RBFOX1: variants seen among roughly 807,000 people sequenced by gnomAD.
RBFOX1 encodes the protein RNA binding fox-1 homolog 1.
In RBFOX1, 8 loss-of-function variants were observed where a neutral mutation model predicts 57.7. The observed-to-expected ratio is 0.14, with a 90% CI of 0.08 to 0.25. RBFOX1 has a LOEUF of 0.25. Ranked by LOEUF, RBFOX1 falls within the 10% of genes least tolerant of loss-of-function variation. The pLI, the probability that RBFOX1 is intolerant of heterozygous loss-of-function variation, is 1.00. For missense variants in RBFOX1, 611 were observed against 548.5 expected (o/e 1.11, Z -1.14); for synonymous variants, 326 against 222.4 (o/e 1.47, Z -4.15).
chr16:6,957,893 C>T (rs2082200005), intron 3 of RBFOX1, among the ~76,000 whole-genome samples: 3 of 152,120 alleles, frequency 2.0e-5, no homozygotes, highest in Admixed American at 2.0e-4. Flanking sequence ...CCTTAAATGG[C>T]CCCTCCCTTT....
intron 1 of RBFOX1, among the ~76,000 whole-genome samples, chr16:5,367,664 G>A (rs1257584326): frequency 1.3e-5 from 2 of 152,148 alleles, no homozygotes; most frequent in Non-Finnish European, 2.9e-5. Context: ...CAAGAATTGT[G>A]CTCAATACTT....
chr16:7,701,567 C>G (rs768504277), intron 14 of RBFOX1, among the ~76,000 whole-genome samples: 4 of 152,152 alleles, frequency 2.6e-5, no homozygotes, highest in Non-Finnish European at 4.4e-5. Context: ...TTCTACAAAA[C>G]TGGTCCCTGG....
intron 1 of RBFOX1, among the ~76,000 whole-genome samples, chr16:6,082,354 T>TTTTTC (rs1292854527): frequency 7.7e-6 from 1 of 129,978 alleles, no homozygotes; most frequent in Non-Finnish European, 1.6e-5. Context: ...CTAATTTTTT[T>TTTTTC]TTTTTTTTTT....
At chr16:5,307,848 A>C (rs1308950205) in intron 1 of RBFOX1, among the ~76,000 whole-genome samples, 9 of 151,980 alleles carry the variant, frequency 5.9e-5, no homozygotes, top group Admixed American at 5.9e-4. Flanking sequence ...TAATTTTGTA[A>C]TTTTTTATTT....
chr16:5,917,330 C>G (rs1015998370), intron 4 of RBFOX1, among the ~76,000 whole-genome samples: 1 of 152,170 alleles, frequency 6.6e-6, no homozygotes, highest in Non-Finnish European at 1.5e-5. Flanking sequence ...AAGCGCCCAC[C>G]ACCGGACATG....
intron 3 of RBFOX1, among the ~76,000 whole-genome samples, chr16:6,872,511 T>G (rs12149100): frequency 0.78 from 118,944 of 152,130 alleles, 47,543 homozygotes; most frequent in African/African-American, 0.94. Context: ...GAATTCCCTA[T>G]GATTTTCTTA....
In RBFOX1 at chr16:7,434,953, C is replaced by T. The variant is rs139570404; in HGVS notation, c.28-83194C>T. 2.1e-3 allele frequency among the ~76,000 whole-genome samples: 323 copies of T among 152,120 alleles called. 2 individuals are homozygous for T. Among genetic ancestry groups the T allele is most frequent in the Non-Finnish European group, 3.3e-3 (226 of 67,996 alleles). On this transcript the variant is annotated intron_variant, in intron 4 of 15. Coordinates refer to ENST00000550418, the MANE Select transcript of RBFOX1 (RefSeq NM_018723.4). ...TGGGGTTTCACCGTGTTGGTGAGGC[C>T]GGTCTTGAACTGTTGACCTTCAGTG...
chr16:6,577,953 A>G (rs2097467265), intron 2 of RBFOX1, among the ~76,000 whole-genome samples: 1 of 152,246 alleles, frequency 6.6e-6, no homozygotes. Flanking sequence ...AGCTTCAGTC[A>G]CTAGGACAAG....
At chr16:5,323,633 G>A (rs2064476507) in intron 1 of RBFOX1, among the ~76,000 whole-genome samples, 1 of 152,228 alleles carries the variant, frequency 6.6e-6, no homozygotes. Flanking sequence ...GCATGGATGT[G>A]CTGGAAGCTC....
chr16:5,266,548 G>GTTTTTTT (rs3035524), intron 1 of RBFOX1, among the ~76,000 whole-genome samples: 1 of 128,034 alleles, frequency 7.8e-6, no homozygotes, highest in South Asian at 2.4e-4. Flanking sequence ...GAAATGTTCA[G>GTTTTTTT]TTTTTTTTTT....
At chr16:5,757,926 G>T (rs903741309) in intron 3 of RBFOX1, among the ~76,000 whole-genome samples, 9 of 152,112 alleles carry the variant, frequency 5.9e-5, no homozygotes, top group Admixed American at 3.3e-4. Context: ...ACTCTCGCTG[G>T]TCATCACCAC....
intron 4 of RBFOX1, among the ~76,000 whole-genome samples, chr16:7,411,426 G>A (rs796705559): frequency 5.3e-5 from 8 of 152,306 alleles, no homozygotes; most frequent in African/African-American, 1.9e-4. Context: ...TCAGAGAGGA[G>A]ACAGGGCCCT....
rs1229831669 is a variant in RBFOX1, at chr16:5,249,175, C to T, written c.219+9070C>T. ...GGTGAGGCTGCGCTTTGTGTGTTTT[C>T]CTTTTCCTTGTGTTCAGGCTGTTGT... On this transcript the variant is annotated intron_variant, in intron 1 of 2. Coordinates refer to the RBFOX1 transcript ENST00000585867. 3.3e-5 allele frequency among the ~76,000 whole-genome samples: 5 copies of T among 152,082 alleles called. 1 individual carries two copies. Among genetic ancestry groups the T allele is most frequent in the Non-Finnish European group, 7.4e-5 (5 of 68,020 alleles).
rs2095023033 is a variant in RBFOX1, at chr16:6,019,237, A to T, written c.-882A>T. 8.1e-6 allele frequency: 8 copies of T among 984,378 alleles called. No individual in the cohort carries two copies. The highest frequency in any genetic ancestry group is 9.6e-6 in the Non-Finnish European group (8 of 829,766). 61.0% of individuals were successfully genotyped at this position (984,378 alleles called of 1,614,324 possible). A position where few individuals can be genotyped will look rare whatever the true frequency, so the allele number is the denominator to read the frequency against. On this transcript the variant is annotated 5_prime_UTR_variant, in exon 1 of 16. Transcript: ENST00000550418. The surrounding 1 kb of genome is among the most constrained non-coding windows in gnomAD (Gnocchi z 4.2). ...GCTCTTGCTGGCCGTCTGGGTGCACACACCGCTCCCTCGATCACCCCAGCC... is the reference window on the plus strand; with the variant it reads ...GCTCTTGCTGGCCGTCTGGGTGCACTCACCGCTCCCTCGATCACCCCAGCC...
chr16:7,039,564 G>C (rs2045538570), intron 3 of RBFOX1, among the ~76,000 whole-genome samples: 1 of 151,956 alleles, frequency 6.6e-6, no homozygotes, highest in Non-Finnish European at 1.5e-5. Context: ...TGAAACCTAA[G>C]CATTTACTAG....
chr16:6,783,712 T>C (rs1458817266), intron 3 of RBFOX1, among the ~76,000 whole-genome samples: 1 of 152,098 alleles, frequency 6.6e-6, no homozygotes, highest in Non-Finnish European at 1.5e-5. Context: ...TCTGTATTTA[T>C]TTGTGTGCTT....
At chr16:5,943,040 C>A (rs566617912) in intron 4 of RBFOX1, among the ~76,000 whole-genome samples, 1 of 152,272 alleles carries the variant, frequency 6.6e-6, no homozygotes, top group African/African-American at 2.4e-5. Flanking sequence ...GGGGCCATGA[C>A]CCCACTGTTC....
chr16:7,181,528 C>G (rs2082700238), intron 4 of RBFOX1, among the ~76,000 whole-genome samples: 1 of 151,074 alleles, frequency 6.6e-6, no homozygotes, highest in Non-Finnish European at 1.5e-5. Flanking sequence ...CCTCTTCCCT[C>G]CCTTGCTCTC....
At chr16:6,957,557 T>C (rs549335741) in intron 3 of RBFOX1, among the ~76,000 whole-genome samples, 2 of 152,220 alleles carry the variant, frequency 1.3e-5, no homozygotes, top group African/African-American at 4.8e-5. Flanking sequence ...CAGAGGTGAC[T>C]CTCATCACCA....
Sources: allele counts gnomAD v4.1 joint callset (sites outside exome capture counted in the v4.1 genomes callset), GRCh38; gene constraint gnomAD v4.1.1; non-coding constraint Gnocchi (gnomAD v3.1); transcripts MANE v1.5; gene names NCBI Gene and HGNC (gene_info 2026-07-23, HGNC 2026-07-21).